Variants in KLHL21 observed in about 807,000 individuals in gnomAD.
KLHL21 encodes the protein kelch like family member 21.
Under a neutral mutation model 44.1 loss-of-function variants are expected in KLHL21, and 42 were observed. That is an observed-to-expected ratio of 0.95 (90% confidence interval 0.74 to 1.23). The LOEUF (loss-of-function observed/expected upper bound fraction) is 1.23. KLHL21 is among the 50% of genes most tolerant of loss of function. KLHL21 has a pLI of 0.00. For synonymous variants in KLHL21, 524 were observed against 411.6 expected (o/e 1.27, Z -3.31); for missense variants, 918 against 889.1 (o/e 1.03, Z -0.41).
rs1271758738 is a variant in KLHL21 at position 6,602,553 on chromosome 1, G to C, written c.265C>G (p.Leu89Val). ...CCCGTGTAGCTGAAGTCCAGCAGCA[G>C]CTGCAGCATGTCGGGAGGCACTCCG... ...LHGVPPDMLQLLLDFSYTGRV... is the reference protein window; with the variant it reads ...LHGVPPDMLQVLLDFSYTGRV... The change falls in exon 1 of 4, where the codon CTG becomes GTG. Residue 89 changes from leucine to valine, a missense_variant. By Grantham distance (32) the Leu-to-Val change is conservative (BLOSUM62 1). Transcript: ENST00000377658. The C allele has an allele frequency of 2.3e-5, 36 of 1,537,024 alleles. No homozygotes were observed. The highest frequency in any genetic ancestry group is 3.0e-5 in the Non-Finnish European group (34 of 1,146,808).
At position 6,593,435 on chromosome 1, in the gene KLHL21, A is replaced by T. The variant is rs1640881367; in HGVS notation, c.1724T>A (p.Leu575Ter). ...GTCCATGTCATCGCTGCCACTGTCC[A>T]ACTCGAAGCCACGCCCACCCGAGAA... is the stretch of plus-strand genomic sequence containing the variant. ...QTFSGGRGFE[L>*]DSGSDDMDPG... The change falls in exon 4 of 4, where the codon TTG becomes TAG. Residue 575 changes from leucine (L) to a stop codon, truncating the protein, a stop_gained. Coordinates refer to ENST00000377658, the MANE Select transcript of KLHL21 (RefSeq NM_014851.4). LOFTEE classifies it low-confidence loss of function (END_TRUNC). 5 of 1,612,920 alleles carry T rather than the reference A, an allele frequency of 3.1e-6. No homozygotes were observed. Among genetic ancestry groups the T allele is most frequent in the Non-Finnish European group, 4.2e-6 (5 of 1,179,812 alleles).
chr1:6,601,129 G>A (rs1641010503), intron 1 of KLHL21, among the ~76,000 whole-genome samples: 1 of 152,180 alleles, frequency 6.6e-6, no homozygotes, highest in African/African-American at 2.4e-5. Flanking sequence ...TTTGAACTGG[G>A]ATTTATCTTT....
chr1:6,593,344 C>T lies in KLHL21; in HGVS notation c.*21G>A. On this transcript the variant is annotated 3_prime_UTR_variant, in exon 4 of 4. Transcript: ENST00000377658. The stretch of plus-strand genomic sequence containing the variant: ...AGGTGCCAGTTACCTGCACCGAGGC[C>T]CGTGCCGGGCCAGACTGGGGCTAGT... The T allele has an allele frequency of 6.4e-7, 1 of 1,551,020 alleles. No individual in the cohort carries two copies. The highest frequency in any genetic ancestry group is 8.7e-7 in the Non-Finnish European group (1 of 1,150,802).
chr1:6,599,297 C>A lies in KLHL21; in HGVS notation c.1177G>T (p.Glu393Ter). The A allele has an allele frequency of 6.2e-7, 1 of 1,613,920 alleles. No individual in the cohort carries two copies. Among genetic ancestry groups the A allele is most frequent in the Non-Finnish European group, 8.5e-7 (1 of 1,180,018 alleles). Residue 393 changes from glutamate to a stop codon, truncating the protein, a stop_gained, in exon 2 of 4, where the codon GAG becomes TAG. Transcript: ENST00000377658. LOFTEE classifies it high-confidence loss of function. ...GAGTCAGTGGTGTGGTCATAGCGCT[C>A]GGTGCTGTCGGCGGCCACCACGTAC... ...LLYVVAADST[E>*]RYDHTTDSWE...
At chr1:6,593,935 G>T in intron 3 of KLHL21, 1 of 1,237,136 alleles carries the variant, frequency 8.1e-7, no homozygotes, top group South Asian at 3.1e-5. Flanking sequence ...CGCTTCCTAC[G>T]TTCTCTCTCA....
At position 6,590,812 on chromosome 1, in the gene KLHL21, CAAAAAT is replaced by C. The variant is rs1399451270; in HGVS notation, c.*2547_*2552del. 4 of 397,388 alleles carry C rather than the reference CAAAAAT, an allele frequency of 1.0e-5. No homozygotes were observed. The highest frequency in any genetic ancestry group is 8.2e-5 in the African/African-American group (4 of 48,604). The allele number at this position is 397,388 out of a possible 1,614,324, so 24.6% of individuals were successfully genotyped here. A position where few individuals can be genotyped will look rare whatever the true frequency, so the allele number is the denominator to read the frequency against. On this transcript the variant is annotated 3_prime_UTR_variant, in exon 4 of 4. Coordinates refer to ENST00000377658, the MANE Select transcript of KLHL21 (RefSeq NM_014851.4). The stretch of plus-strand genomic sequence containing the variant: ...TGGACATGGAAGCCTACAGAATAGA[CAAAAAT>C]AAATATGTCAACCTGCCCGACCCTC...
Position 6,591,161 on chromosome 1 carries a change from G to C in KLHL21, c.*2204C>G. 1 of 396,538 alleles carries C rather than the reference G, an allele frequency of 2.5e-6. No individual in the cohort carries two copies. The highest frequency in any genetic ancestry group is 4.4e-6 in the Non-Finnish European group (1 of 225,242). The allele number at this position is 396,538 out of a possible 1,614,324, so 24.6% of individuals were successfully genotyped here. On this transcript the variant is annotated 3_prime_UTR_variant, in exon 4 of 4. Coordinates refer to ENST00000377658, the MANE Select transcript of KLHL21 (RefSeq NM_014851.4). ...TGGATCCCCCAGCTGGTGTCCACAG[G>C]CTAGAGGGACCCATTGCTGCAGAGG...
Position 6,602,777 on chromosome 1 carries a change from T to C in KLHL21, c.41A>G (p.Asp14Gly). The change falls in exon 1 of 4, where the codon GAC becomes GGC. Residue 14 changes from aspartate (D) to glycine (G), a missense_variant. Physicochemically the swap from Asp to Gly is moderately conservative, Grantham distance 94 (BLOSUM62 -1). Coordinates refer to ENST00000377658, the MANE Select transcript of KLHL21 (RefSeq NM_014851.4). The stretch of plus-strand genomic sequence containing the variant: ...CAGCAGGCTCAGGGCGTGCGCGGGG[T>C]CCGAGAAGGGAAGCACGGCCAGGGG... ...PAPLAVLPFS[D>G]PAHALSLLRG... 1 of 1,480,248 alleles carries C rather than the reference T, an allele frequency of 6.8e-7. No homozygotes were observed. The highest frequency in any genetic ancestry group is 8.9e-7 in the Non-Finnish European group (1 of 1,124,954). The allele number at this position is 1,480,248 out of a possible 1,614,324, so 91.7% of individuals were successfully genotyped here. A position where few individuals can be genotyped will look rare whatever the true frequency, so the allele number is the denominator to read the frequency against.
At position 6,602,221 on chromosome 1, in the gene KLHL21, G is replaced by A. The variant is rs1321877076; in HGVS notation, c.597C>T (p.Tyr199=). The A allele has an allele frequency of 6.6e-7, 1 of 1,522,492 alleles. No individual in the cohort carries two copies. Among genetic ancestry groups the A allele is most frequent in the South Asian group, 1.2e-5 (1 of 82,424 alleles). The allele number at this position is 1,522,492 out of a possible 1,614,324, so 94.3% of individuals were successfully genotyped here. ...GLCVPKEEAA[Y]QLALRWVRAD... is the part of the protein sequence containing the mutation. ...CGCGGACCCAGCGCAGCGCCAGCTG[G>A]TAGGCGGCCTCCTCCTTGGGCACAC... Residue 199 remains tyrosine, a synonymous_variant, in exon 1 of 4, where the codon TAC becomes TAT. Transcript: ENST00000377658.
At chr1:6,599,895 G>A (rs1640990546) in intron 1 of KLHL21, 7 of 169,512 alleles carry the variant, frequency 4.1e-5, no homozygotes, top group Admixed American at 2.4e-4. Context: ...CAAGATGAGC[G>A]GAAACCCACT....
chr1:6,598,351 C>T (rs917242757), intron 2 of KLHL21, among the ~76,000 whole-genome samples: 1 of 151,770 alleles, frequency 6.6e-6, no homozygotes, highest in African/African-American at 2.4e-5. Context: ...AGCTGGATCA[C>T]ATGAGGTCAG....
intron 2 of KLHL21, among the ~76,000 whole-genome samples, chr1:6,597,524 C>A (rs1415459398): frequency 6.6e-6 from 1 of 152,204 alleles, no homozygotes; most frequent in Non-Finnish European, 1.5e-5. Flanking sequence ...GGCTGAGATT[C>A]CAGGGCTTTC....
chr1:6,595,417 C>A (rs768637200), intron 3 of KLHL21, 68 bp downstream of exon 3: 1 of 1,425,462 alleles, frequency 7.0e-7, no homozygotes, highest in South Asian at 1.2e-5. Flanking sequence ...ACACTCATCA[C>A]GATGACACTT....
intron 2 of KLHL21, among the ~76,000 whole-genome samples, chr1:6,597,975 C>G (rs1183045011): frequency 6.6e-6 from 1 of 152,262 alleles, no homozygotes; most frequent in Non-Finnish European, 1.5e-5. Flanking sequence ...TCAAGGCCAG[C>G]AGACATATGA....
intron 1 of KLHL21, 111 bp from the exon 2 acceptor site, chr1:6,599,563 G>A: frequency 8.6e-7 from 1 of 1,162,068 alleles, no homozygotes; most frequent in Non-Finnish European, 1.2e-6. Context: ...AACATCACTG[G>A]GCTTCACCCC....
At position 6,600,044 on chromosome 1, in the gene KLHL21, G is replaced by GTAT. The variant is rs369256086; in HGVS notation, c.1022-595_1022-593dup. Among the ~76,000 whole-genome samples, 6 of 151,972 alleles carry GTAT rather than the reference G, an allele frequency of 3.9e-5. 1 individual carries two copies. The South Asian group carries it at 8.3e-4, about 21-fold the overall frequency. ...TATATATATATATATTCTTCTGCCTGTATTATTATTATTATTTTTGAGACA... is the reference window on the plus strand; with the variant it reads ...TATATATATATATATTCTTCTGCCTGTATTATTATTATTATTATTTTTGAGACA... On this transcript the variant is annotated intron_variant, in intron 1 of 3. Transcript: ENST00000377658.
chr1:6,598,940 C>A, intron 2 of KLHL21, 107 bp downstream of exon 2: 1 of 1,180,274 alleles, frequency 8.5e-7, no homozygotes. Flanking sequence ...CCAGCTAGGC[C>A]TCAGTTTCTC....
rs149580412 is a variant in KLHL21 at position 6,595,535 on chromosome 1, C to T, written c.1450G>A (p.Val484Met). The T allele has an allele frequency of 3.5e-4, 561 of 1,614,064 alleles. No individual in the cohort carries two copies. The highest frequency in any genetic ancestry group is 4.4e-4 in the Non-Finnish European group (519 of 1,179,982). The part of the protein sequence containing the change: ...FVRDDSAEVD[V>M]YNPTRNEWDK... ...CATTCGTTCCTCGTCGGGTTGTACACGTCCACCTCAGCGGAGTCATCCCTG... is the reference window on the plus strand; with the variant it reads ...CATTCGTTCCTCGTCGGGTTGTACATGTCCACCTCAGCGGAGTCATCCCTG... The change falls in exon 3 of 4, where the codon GTG becomes ATG. Residue 484 changes from valine (V) to methionine (M), a missense_variant. Coordinates refer to ENST00000377658, the MANE Select transcript of KLHL21 (RefSeq NM_014851.4).
chr1:6,597,646 T>G (rs1640946126), intron 2 of KLHL21, among the ~76,000 whole-genome samples: 1 of 152,116 alleles, frequency 6.6e-6, no homozygotes, highest in African/African-American at 2.4e-5. Context: ...GTAAGGAGCC[T>G]CCTGTCTGGG....
Sources: allele counts gnomAD v4.1 joint callset (sites outside exome capture counted in the v4.1 genomes callset), GRCh38; gene constraint gnomAD v4.1.1; transcripts MANE v1.5; gene names NCBI Gene and HGNC (gene_info 2026-07-23, HGNC 2026-07-21).